Variants in NEURL3 observed in about 807,000 individuals in gnomAD.
NEURL3 encodes E3 ubiquitin-protein ligase NEURL3.
NEURL3 carries 19 observed loss-of-function variants against 17.6 expected under a neutral mutation model. That is an observed-to-expected ratio of 1.08 (90% CI 0.75 to 1.58). NEURL3 has a LOEUF of 1.58. NEURL3 is among the 40% of genes most tolerant of loss of function. NEURL3 has a pLI of 0.00. For missense variants in NEURL3, 342 were observed against 379.6 expected, an observed-to-expected ratio of 0.90 and a Z score of 0.82; for synonymous variants, 180 against 161.4, an observed-to-expected ratio of 1.11 and a Z score of -0.87.
rs942501521 is a variant in NEURL3, at chr2:96,498,640, A to G, written c.587-194T>C. On this transcript the variant is annotated intron_variant, in intron 3 of 3. Coordinates refer to ENST00000451794, the MANE Select transcript of NEURL3 (RefSeq NM_001285485.2). This position sits in a 1 kb window ranked among gnomAD's most constrained non-coding sequence, Gnocchi z 4.4. ...CCATTTTTTATATACATATATTCCA[A>G]TTCCAATTTAGAGAGAAGGAAAACG... Among the ~76,000 whole-genome samples the G allele has an allele frequency of 5.3e-5, 8 of 152,312 alleles. No homozygotes were observed. Among genetic ancestry groups the G allele is most frequent in the Admixed American group, 3.3e-4 (5 of 15,304 alleles).
chr2:96,504,942 C>T (rs183892346), intron 1 of NEURL3, among the ~76,000 whole-genome samples: 150 of 150,016 alleles, frequency 1.0e-3, no homozygotes, highest in African/African-American at 2.9e-3. Flanking sequence ...TCTTCCACTA[C>T]GGGACACCTG....
In NEURL3 at chr2:96,498,780, A is replaced by T. The variant is rs1202989000; in HGVS notation, c.587-334T>A. Among the ~76,000 whole-genome samples, 1 of 151,820 alleles carries T rather than the reference A, an allele frequency of 6.6e-6. No individual in the cohort carries two copies. Among genetic ancestry groups the T allele is most frequent in the African/African-American group, 2.4e-5 (1 of 41,288 alleles). ...TTTTTAACTTTCCTCTTTATCCTTT[A>T]ATCTTTTTTATTTTTTAGAGACAGT... is the stretch of plus-strand genomic sequence containing the variant. On this transcript the variant is annotated intron_variant, in intron 3 of 3. Coordinates refer to ENST00000451794, the MANE Select transcript of NEURL3 (RefSeq NM_001285485.2). This position sits in a 1 kb window ranked among gnomAD's most constrained non-coding sequence, Gnocchi z 4.4.
Position 96,500,902 on chromosome 2 carries a change from T to C in NEURL3, c.51A>G (p.Ala17=). ...CCTTGGCCTCGGCATGGAAGCGAAG[T>C]GCCTCTCGGGGCGCCTTGGCGTCTG... ...FEANAKAPRE[A]LRFHAEAKGA... Residue 17 remains alanine (A), a synonymous_variant, in exon 2 of 4, where the codon GCA becomes GCG. Coordinates refer to ENST00000451794, the MANE Select transcript of NEURL3 (RefSeq NM_001285485.2). 3 of 1,566,092 alleles carry C rather than the reference T, an allele frequency of 1.9e-6. No homozygotes were observed. The highest frequency in any genetic ancestry group is 2.6e-6 in the Non-Finnish European group (3 of 1,165,272).
At position 96,498,625 on chromosome 2, in the gene NEURL3, T is replaced by A. The variant is rs1381170407; in HGVS notation, c.587-179A>T. ...AAAGGGGGAAGAAAACCATTTTTTATATACATATATTCCAATTCCAATTTA... is the reference window on the plus strand; with the variant it reads ...AAAGGGGGAAGAAAACCATTTTTTAAATACATATATTCCAATTCCAATTTA... On this transcript the variant is annotated intron_variant, in intron 3 of 3. Transcript: ENST00000451794. The surrounding 1 kb of genome is among the most constrained non-coding windows in gnomAD (Gnocchi z 4.4). Among the ~76,000 whole-genome samples the A allele has an allele frequency of 6.6e-6, 1 of 152,170 alleles. No homozygotes were observed. Among genetic ancestry groups the A allele is most frequent in the Non-Finnish European group, 1.5e-5 (1 of 68,028 alleles).
upstream of NEURL3, among the ~76,000 whole-genome samples, chr2:96,505,548 A>G (rs1412654163): frequency 1.3e-5 from 2 of 152,214 alleles, no homozygotes; most frequent in Admixed American, 6.5e-5. Context: ...TGGCCTGGGT[A>G]GGTCTTACGG....
chr2:96,499,250 A>G, intron 3 of NEURL3, 128 bp downstream of exon 3: 1 of 1,454,712 alleles, frequency 6.9e-7, no homozygotes, highest in Admixed American at 2.6e-5. Flanking sequence ...TCCAGTAGGC[A>G]GAGCCAAATC....
upstream of NEURL3, among the ~76,000 whole-genome samples, chr2:96,506,631 CT>C (rs1181683286): frequency 1.3e-5 from 2 of 152,270 alleles, no homozygotes; most frequent in Non-Finnish European, 2.9e-5. Context: ...GACTGCTCGG[CT>C]AAGGGATGGC....
upstream of NEURL3, among the ~76,000 whole-genome samples, chr2:96,507,604 G>T (rs982188201): frequency 6.6e-6 from 1 of 152,118 alleles, no homozygotes; most frequent in African/African-American, 2.4e-5. Flanking sequence ...AGCTGGGACT[G>T]TGGCGCTCTC....
chr2:96,505,263 C>A lies in NEURL3; in HGVS notation c.24G>T (p.Glu8Asp). Residue 8 changes from glutamate (E) to aspartate (D), a missense_variant, in exon 1 of 4, where the codon GAG (glutamate) becomes GAT (aspartate). Transcript: ENST00000451794. The stretch of plus-strand genomic sequence containing the variant: ...GCTTGCAGGAGGTCTACTTACTGGC[C>A]TCGAAGCAGAGCTGGGCACCCATCA... MGAQLCFEANAKAPREAL... is the reference protein window; with the variant it reads MGAQLCFDANAKAPREAL... The A allele has an allele frequency of 6.3e-7, 1 of 1,599,222 alleles. No homozygotes were observed. Among genetic ancestry groups the A allele is most frequent in the Non-Finnish European group, 8.5e-7 (1 of 1,179,790 alleles).
chr2:96,498,079 G>A lies in NEURL3; in HGVS notation c.*165C>T. The A allele has an allele frequency of 4.5e-6, 3 of 665,018 alleles. No homozygotes were observed. Among genetic ancestry groups the A allele is most frequent in the South Asian group, 2.0e-5 (1 of 50,662 alleles). The allele number at this position is 665,018 out of a possible 1,614,324, so 41.2% of individuals were successfully genotyped here. ...GCTATCCTGTTGGGGAACAGGTGGA[G>A]GCAGCAGACAGCACCTCCCTGCCTT... On this transcript the variant is annotated 3_prime_UTR_variant, in exon 4 of 4. Coordinates refer to ENST00000451794, the MANE Select transcript of NEURL3 (RefSeq NM_001285485.2). The surrounding 1 kb of genome is among the most constrained non-coding windows in gnomAD (Gnocchi z 4.4).
chr2:96,500,432 G>A lies in NEURL3; in HGVS notation c.514+7C>T, dbSNP rs749249057. The A allele has an allele frequency of 2.8e-5, 44 of 1,596,918 alleles. No individual in the cohort carries two copies. In the East Asian group the frequency reaches 7.8e-4, roughly 28 times the overall value. On this transcript the variant is annotated splice_region_variant and intron_variant, in intron 2 of 3. Transcript: ENST00000451794. Reference sequence around the variant, plus strand: ...CCTCCCCTGCGGGGTCCCCATGGTCGCCTCACCCAGCAGCTCGATGGCCTT... The same window carrying A: ...CCTCCCCTGCGGGGTCCCCATGGTCACCTCACCCAGCAGCTCGATGGCCTT...
At chr2:96,502,556 C>A (rs187852896) in intron 1 of NEURL3, among the ~76,000 whole-genome samples, 2 of 152,390 alleles carry the variant, frequency 1.3e-5, no homozygotes, top group African/African-American at 4.8e-5. Flanking sequence ...GAGTCTTGTT[C>A]ACTGCCTACC....
At chr2:96,500,162 T>TTG in intron 2 of NEURL3, 1 of 476,750 alleles carries the variant, frequency 2.1e-6, no homozygotes, top group South Asian at 2.5e-5. Flanking sequence ...TTTCTTCCTT[T>TTG]GTAAAAGGAG....
chr2:96,505,466 T>C, upstream of NEURL3: 2 of 640,568 alleles, frequency 3.1e-6, no homozygotes, highest in South Asian at 1.9e-5. Context: ...GATTTCCCAG[T>C]GATTTCTCCT....
chr2:96,500,320 G>T, intron 2 of NEURL3, 119 bp downstream of exon 2: 1 of 1,430,938 alleles, frequency 7.0e-7, no homozygotes, highest in Non-Finnish European at 9.5e-7. Context: ...CTAACACTGG[G>T]CAGGGGCTGA....
intron 1 of NEURL3, among the ~76,000 whole-genome samples, chr2:96,502,508 A>G (rs2065519601): frequency 6.6e-6 from 1 of 152,198 alleles, no homozygotes; most frequent in South Asian, 2.1e-4. Context: ...AGTGAAGTGC[A>G]TGTCCAGCAA....
At chr2:96,505,521 A>G (rs901929820), upstream of NEURL3, among the ~76,000 whole-genome samples, 1 of 152,220 alleles carries the variant, frequency 6.6e-6, no homozygotes, top group Non-Finnish European at 1.5e-5. Flanking sequence ...TAAGAGAAGG[A>G]AACAGGAATG....
At chr2:96,503,498 G>T (rs2065530513) in intron 1 of NEURL3, among the ~76,000 whole-genome samples, 1 of 152,160 alleles carries the variant, frequency 6.6e-6, no homozygotes, top group Non-Finnish European at 1.5e-5. Context: ...GGCAGCAAAA[G>T]GTCCCTTAGG....
Position 96,498,325 on chromosome 2 carries a change from C to T in NEURL3, c.708G>A (p.Lys236=). Residue 236 remains lysine, a synonymous_variant, in exon 4 of 4, where the codon AAG becomes AAA. Coordinates refer to ENST00000451794, the MANE Select transcript of NEURL3 (RefSeq NM_001285485.2). This position sits in a 1 kb window ranked among gnomAD's most constrained non-coding sequence, Gnocchi z 4.4. ...CAWRVFSDTA[K]CPVCRWQIEA... is the part of the protein sequence containing the mutation. ...CTATCTGCCAGCGGCACACAGGGCA[C>T]TTGGCCGTATCGCTGAAGACCCGCC... 1 of 1,598,138 alleles carries T rather than the reference C, an allele frequency of 6.3e-7. No individual in the cohort carries two copies. The highest frequency in any genetic ancestry group is 8.5e-7 in the Non-Finnish European group (1 of 1,179,342).
Sources: gnomAD v4.1 joint callset for allele counts (sites outside exome capture counted in the v4.1 genomes callset) on GRCh38, gnomAD v4.1.1 for gene constraint, Gnocchi (gnomAD v3.1) non-coding constraint, MANE v1.5 for transcripts, NCBI Gene and HGNC (gene_info 2026-07-23, HGNC 2026-07-21) for gene names.